The following MECR variants were observed in gnomAD, a reference collection of about 807,000 sequenced individuals.
The protein encoded by MECR is mitochondrial trans-2-enoyl-CoA reductase, also known as enoyl-[acyl-carrier-protein] reductase, mitochondrial.
Under a neutral mutation model 49.1 loss-of-function variants are expected in MECR, and 37 were observed. The ratio of observed to expected loss-of-function variants is 0.75; its 90% CI spans 0.58 to 0.99. The LOEUF (loss-of-function observed/expected upper bound fraction) is 0.99, where lower values mean the gene tolerates loss of function less well. MECR is among the 50% of genes least tolerant of loss of function. MECR has a pLI of 0.00. For synonymous variants in MECR, 198 were observed against 191.1 expected, an observed-to-expected ratio of 1.04 and a Z score of -0.30; for missense variants, 470 against 479.6, an observed-to-expected ratio of 0.98 and a Z score of 0.19.
the MECR span, among the ~76,000 whole-genome samples, chr1:29,181,412 C>A: frequency 6.6e-6 from 1 of 152,160 alleles, no homozygotes; most frequent in Non-Finnish European, 1.5e-5. Flanking sequence ...TCCTTCTCCC[C>A]GTCCCACTCA....
In MECR at chr1:29,193,475, C is replaced by A. The variant is rs983384031; in HGVS notation, c.*547G>T. 8 of 158,382 alleles carry A rather than the reference C, an allele frequency of 5.1e-5. No homozygotes were observed. The highest frequency in any genetic ancestry group is 1.1e-4 in the Non-Finnish European group (8 of 72,148). 9.8% of individuals were successfully genotyped at this position (158,382 alleles called of 1,614,324 possible). On this transcript the variant is annotated 3_prime_UTR_variant, in exon 10 of 10. Transcript: ENST00000263702. Reference sequence around the variant, plus strand: ...AAGGGCAGTTCCATGAGAGTGAAGACCCCACGTCCAAGTTCCTCAGGGCCC... The same window carrying A: ...AAGGGCAGTTCCATGAGAGTGAAGAACCCACGTCCAAGTTCCTCAGGGCCC...
chr1:29,207,128 A>AC (rs1321018204), intron 3 of MECR, among the ~76,000 whole-genome samples: 1 of 149,716 alleles, frequency 6.7e-6, no homozygotes, highest in Non-Finnish European at 1.5e-5. Context: ...ATTCTTTTTA[A>AC]TTTTTTTTTT....
In MECR at chr1:29,201,728, A is replaced by G. The variant is rs889498738; in HGVS notation, c.756+215T>C. Among the ~76,000 whole-genome samples, 9 of 152,128 alleles carry G rather than the reference A, an allele frequency of 5.9e-5. No individual in the cohort carries two copies. The highest frequency in any genetic ancestry group is 2.2e-4 in the African/African-American group (9 of 41,414). ...AACTGCAAGTCATACTGGGTTTCCTAAACTCTGTTTCTCATGCCTCCCTCC... is the reference window on the plus strand; with the variant it reads ...AACTGCAAGTCATACTGGGTTTCCTGAACTCTGTTTCTCATGCCTCCCTCC... On this transcript the variant is annotated intron_variant, in intron 6 of 9. Coordinates refer to ENST00000263702, the MANE Select transcript of MECR (RefSeq NM_016011.5). The surrounding 1 kb of genome is among the most constrained non-coding windows in gnomAD (Gnocchi z 4.3).
the MECR span, among the ~76,000 whole-genome samples, chr1:29,177,561 T>C: frequency 6.6e-6 from 1 of 152,126 alleles, no homozygotes; most frequent in Non-Finnish European, 1.5e-5. Context: ...GGGTTACAGG[T>C]GTGAGCCACC....
At chr1:29,212,997 A>G (rs1220070937) in intron 3 of MECR, among the ~76,000 whole-genome samples, 1 of 152,166 alleles carries the variant, frequency 6.6e-6, no homozygotes, top group Non-Finnish European at 1.5e-5. Flanking sequence ...CACTGGCTGC[A>G]CTTCCAGCAG....
chr1:29,212,143 C>T (rs1678166376), intron 3 of MECR, among the ~76,000 whole-genome samples: 1 of 152,224 alleles, frequency 6.6e-6, no homozygotes, highest in Admixed American at 6.5e-5. Context: ...GCTGGCCAGG[C>T]GCAGTGGCTC....
At chr1:29,194,919 C>T (rs1673596212) in intron 9 of MECR, among the ~76,000 whole-genome samples, 3 of 151,850 alleles carry the variant, frequency 2.0e-5, no homozygotes, top group Admixed American at 6.6e-5. Flanking sequence ...AGTTTGAGAC[C>T]AGCCTGGGCA....
rs1683287462 is a variant in MECR, at chr1:29,230,920, AACACAGAGCCTG to A, written c.-26_-15del. The A allele has an allele frequency of 6.3e-7, 1 of 1,580,288 alleles. No individual in the cohort carries two copies. The highest frequency in any genetic ancestry group is 1.4e-5 in the African/African-American group (1 of 73,282). On this transcript the variant is annotated 5_prime_UTR_variant, in exon 1 of 10. Coordinates refer to ENST00000263702, the MANE Select transcript of MECR (RefSeq NM_016011.5). ...GCAGACCCACATGCTCGCTCCAACC[AACACAGAGCCTG>A]ACGCCCCGGCTACGTCATCTTCCAG...
At chr1:29,184,491 C>T in the MECR span, among the ~76,000 whole-genome samples, 3 of 152,226 alleles carry the variant, frequency 2.0e-5, no homozygotes, top group East Asian at 3.9e-4. Flanking sequence ...CGGTGGTTCA[C>T]GCCTGTAATC....
the MECR span, chr1:29,171,451 C>T: frequency 6.7e-6 from 1 of 149,830 alleles, no homozygotes; most frequent in African/African-American, 2.5e-5. Flanking sequence ...CCGGAGTTGT[C>T]AATAACTCAT....
chr1:29,195,533 A>C (rs1182553796), intron 9 of MECR, among the ~76,000 whole-genome samples: 1 of 152,222 alleles, frequency 6.6e-6, no homozygotes, highest in Non-Finnish European at 1.5e-5. Context: ...AAACACGGCT[A>C]ACAAGAGTTT....
intron 1 of MECR, among the ~76,000 whole-genome samples, chr1:29,228,385 C>T (rs1222443710): frequency 7.0e-6 from 1 of 143,470 alleles, no homozygotes; most frequent in Non-Finnish European, 1.5e-5. Flanking sequence ...GGAAGTCTTG[C>T]TCTGTTACCC....
chr1:29,208,077 C>A (rs1486730176), intron 3 of MECR, among the ~76,000 whole-genome samples: 1 of 152,116 alleles, frequency 6.6e-6, no homozygotes, highest in Non-Finnish European at 1.5e-5. Flanking sequence ...ACTGCAACCT[C>A]TGCCTCCTGG....
At position 29,218,221 on chromosome 1, in the gene MECR, T is replaced by A. The variant is rs187614986; in HGVS notation, c.177-1536A>T. On this transcript the variant is annotated intron_variant, in intron 1 of 9. Coordinates refer to ENST00000263702, the MANE Select transcript of MECR (RefSeq NM_016011.5). Reference sequence around the variant, plus strand: ...GAGGCCAAGTGGCAATGTGCATGTGTTACTTTTGTTATTTCAAAAAAGCTT... The same window carrying A: ...GAGGCCAAGTGGCAATGTGCATGTGATACTTTTGTTATTTCAAAAAAGCTT... 5.9e-5 allele frequency among the ~76,000 whole-genome samples: 9 copies of A among 152,340 alleles called. No homozygotes were observed. The East Asian group carries it at 9.6e-4, about 16-fold the overall frequency.
In MECR at chr1:29,200,517, C is replaced by T. The variant is rs1219720870; in HGVS notation, c.829G>A (p.Ala277Thr). 6.2e-7 allele frequency: 1 copy of T among 1,613,138 alleles called. No individual in the cohort carries two copies. Among genetic ancestry groups the T allele is most frequent in the Non-Finnish European group, 8.5e-7 (1 of 1,179,214 alleles). The stretch of plus-strand genomic sequence containing the variant: ...GACCTGCAGGCCCAAGGGACTTACG[C>T]TAACTGCCGCAGCAGCTCTGTGGAG... The part of the protein sequence containing the change: ...KSSTELLRQL[A>T]RGGTMVTYGG... The change falls in exon 7 of 10, where the codon GCG becomes ACG. Residue 277 changes from alanine to threonine, a missense_variant and splice_region_variant. Ala to Thr is a moderately conservative substitution (Grantham distance 58). Transcript: ENST00000263702.
At chr1:29,229,943 G>A (rs1425254439) in intron 1 of MECR, among the ~76,000 whole-genome samples, 1 of 152,202 alleles carries the variant, frequency 6.6e-6, no homozygotes, top group African/African-American at 2.4e-5. Context: ...ATTTTAGGAG[G>A]AGGACAAAGT....
the MECR span, among the ~76,000 whole-genome samples, chr1:29,184,014 G>C: frequency 1.5e-3 from 230 of 151,888 alleles, 2 homozygotes; most frequent in African/African-American, 5.1e-3. Flanking sequence ...GAGTAGCTGG[G>C]ATTACAGGCA....
At chr1:29,223,245 G>A (rs1346956706) in intron 1 of MECR, 1 of 985,278 alleles carries the variant, frequency 1.0e-6, no homozygotes, top group African/African-American at 1.7e-5. Flanking sequence ...GCTCCTTTGA[G>A]GCCAAGGCTG....
At chr1:29,200,424 A>T (rs1016112281) in intron 7 of MECR, 92 bp downstream of exon 7, 8 of 1,239,876 alleles carry the variant, frequency 6.5e-6, no homozygotes, top group Non-Finnish European at 8.1e-6. Flanking sequence ...ACTTGGCTCG[A>T]ACTGGCGATG....
Sources: gnomAD v4.1 joint callset for allele counts (sites outside exome capture counted in the v4.1 genomes callset) on GRCh38, gnomAD v4.1.1 for gene constraint, Gnocchi (gnomAD v3.1) non-coding constraint, MANE v1.5 for transcripts, NCBI Gene and HGNC (gene_info 2026-07-23, HGNC 2026-07-21) for gene names.